The following ATP6V1A variants were observed in gnomAD, a reference collection of about 807,000 sequenced individuals.
The protein encoded by ATP6V1A is ATPase H+ transporting V1 subunit A.
ATP6V1A carries 18 observed loss-of-function variants against 70.1 expected under a neutral mutation model. The observed-to-expected ratio is 0.26, with a 90% CI of 0.18 to 0.38. The LOEUF (loss-of-function observed/expected upper bound fraction) is 0.38. Among genes scored for constraint, ATP6V1A ranks in the 10% least tolerant of loss-of-function variants. ATP6V1A has a pLI of 1.00. For synonymous variants in ATP6V1A, 232 were observed against 253.8 expected (o/e 0.91, Z 0.82); for missense variants, 424 against 772.4 (o/e 0.55, Z 5.35).
chr3:113,783,749 T>C (rs2108029239), intron 3 of ATP6V1A, among the ~76,000 whole-genome samples: 1 of 152,250 alleles, frequency 6.6e-6, no homozygotes, highest in East Asian at 1.9e-4. Context: ...TTTTTGTCAA[T>C]GATGTCATAT....
intron 1 of ATP6V1A, among the ~76,000 whole-genome samples, chr3:113,753,742 T>C (rs190738470): frequency 6.7e-6 from 1 of 150,122 alleles, no homozygotes; most frequent in East Asian, 2.0e-4. Context: ...GTTACCCAGA[T>C]TGGAGTGTAC....
chr3:113,778,783 C>A lies in ATP6V1A; in HGVS notation c.30C>A (p.Leu10=). 2 of 1,593,866 alleles carry A rather than the reference C, an allele frequency of 1.3e-6. No homozygotes were observed. The highest frequency in any genetic ancestry group is 1.7e-6 in the Non-Finnish European group (2 of 1,170,520). MDFSKLPKI[L]DEDKESTFGY... is the part of the protein sequence containing the mutation. ...ATTTTTCCAAGCTACCCAAAATACT[C>A]GATGAAGATAAAGAAAGCACATTTG... Residue 10 remains leucine, a synonymous_variant, in exon 2 of 15, where the codon CTC becomes CTA. Transcript: ENST00000273398.
chr3:113,782,983 G>A (rs892962914), intron 3 of ATP6V1A, among the ~76,000 whole-genome samples: 2 of 152,068 alleles, frequency 1.3e-5, no homozygotes, highest in East Asian at 1.9e-4. Flanking sequence ...ATAGTAAAAT[G>A]TTAAATATAG....
At chr3:113,753,228 TAATC>T (rs1430014922) in intron 1 of ATP6V1A, among the ~76,000 whole-genome samples, 1 of 152,214 alleles carries the variant, frequency 6.6e-6, no homozygotes, top group Non-Finnish European at 1.5e-5. Context: ...ACCTTACTAG[TAATC>T]AATATACTAA....
chr3:113,806,079 C>A (rs967918829), intron 14 of ATP6V1A, among the ~76,000 whole-genome samples: 1 of 152,046 alleles, frequency 6.6e-6, no homozygotes, highest in Non-Finnish European at 1.5e-5. Flanking sequence ...TCAAGACCAG[C>A]CTGGGCAACA....
intron 5 of ATP6V1A, 35 bp downstream of exon 5, chr3:113,784,868 C>T: frequency 6.2e-7 from 1 of 1,601,648 alleles, no homozygotes; most frequent in South Asian, 1.1e-5. Flanking sequence ...TGCAGAGTGC[C>T]TCTATTTCTA....
intron 1 of ATP6V1A, among the ~76,000 whole-genome samples, chr3:113,775,708 T>C (rs1316814404): frequency 6.6e-6 from 1 of 152,254 alleles, no homozygotes; most frequent in Non-Finnish European, 1.5e-5. Context: ...GATCTCATGC[T>C]GTTTCCACTT....
intron 1 of ATP6V1A, among the ~76,000 whole-genome samples, chr3:113,750,108 T>C (rs1284914417): frequency 1.3e-5 from 2 of 152,210 alleles, no homozygotes; most frequent in Admixed American, 6.5e-5. Context: ...ACTTTAGTTA[T>C]ATGTCCTTTT....
intron 3 of ATP6V1A, among the ~76,000 whole-genome samples, chr3:113,781,779 G>A (rs923544851): frequency 3.9e-5 from 6 of 152,120 alleles, no homozygotes; most frequent in Admixed American, 6.5e-5. Flanking sequence ...TCATTGGGAC[G>A]CATATTGTAG....
At chr3:113,765,762 C>CA (rs398052207) in intron 1 of ATP6V1A, among the ~76,000 whole-genome samples, 47,363 of 127,116 alleles carry the variant, frequency 0.37, 7,787 homozygotes, top group East Asian at 0.39. Context: ...ACTAAAAATA[C>CA]AAAAAAAAAA....
At chr3:113,778,670 A>G in intron 1 of ATP6V1A, 71 bp from the exon 2 acceptor site, 1 of 744,176 alleles carries the variant, frequency 1.3e-6, no homozygotes, top group Non-Finnish European at 2.1e-6. Flanking sequence ...ATCTTAGTGG[A>G]CTACCTATAT....
rs1222484984 is a variant in ATP6V1A at position 113,798,446 on chromosome 3, G to A, written c.1494G>A (p.Lys498=). ...CAGAAATTGTACAGCTTGTGGGAAA[G>A]GTGAGTTGTTAAATTCCATGGAAGA... ...DLAEIVQLVG[K]ASLAETDKIT... is the part of the protein sequence containing the mutation. The change falls in exon 12 of 15, where the codon AAG becomes AAA. Residue 498 remains lysine, a splice_region_variant and synonymous_variant. Transcript: ENST00000273398. 6.2e-7 allele frequency: 1 copy of A among 1,613,578 alleles called. No homozygotes were observed. The highest frequency in any genetic ancestry group is 8.5e-7 in the Non-Finnish European group (1 of 1,179,766).
At chr3:113,795,511 TA>T (rs764495044) in intron 10 of ATP6V1A, among the ~76,000 whole-genome samples, 4 of 151,814 alleles carry the variant, frequency 2.6e-5, no homozygotes, top group Non-Finnish European at 5.9e-5. Context: ...TGCATCACGG[TA>T]AAAAGAAAGT....
At chr3:113,771,696 C>CA (rs1708842873) in intron 1 of ATP6V1A, among the ~76,000 whole-genome samples, 1 of 152,098 alleles carries the variant, frequency 6.6e-6, no homozygotes, top group Non-Finnish European at 1.5e-5. Context: ...CTCGGCTTCC[C>CA]AAAGTGCTGG....
intron 1 of ATP6V1A, among the ~76,000 whole-genome samples, chr3:113,769,970 A>G (rs1335329326): frequency 1.3e-5 from 2 of 152,194 alleles, no homozygotes; most frequent in African/African-American, 2.4e-5. Flanking sequence ...TGATTTTTCT[A>G]TGAGTGCATC....
chr3:113,753,024 T>G (rs1708604700), intron 1 of ATP6V1A, among the ~76,000 whole-genome samples: 1 of 152,064 alleles, frequency 6.6e-6, no homozygotes. Flanking sequence ...GATTCTTTAG[T>G]GGCAAAAATA....
rs1709343344 is a variant in ATP6V1A at position 113,811,732 on chromosome 3, CAG to C, written c.*2308_*2309del. 6.6e-6 allele frequency: 1 copy of C among 152,594 alleles called. No homozygotes were observed. The highest frequency in any genetic ancestry group is 1.5e-5 in the Non-Finnish European group (1 of 68,030). The allele number at this position is 152,594 out of a possible 1,614,324, so 9.5% of individuals were successfully genotyped here. A position where few individuals can be genotyped will look rare whatever the true frequency, so the allele number is the denominator to read the frequency against. The stretch of plus-strand genomic sequence containing the variant: ...ATCGTAAGTCTCCCTTCACCTGTTA[CAG>C]AGTTTCAGATCGGTCACTGATAGTA... On this transcript the variant is annotated 3_prime_UTR_variant, in exon 15 of 15. Transcript: ENST00000273398.
chr3:113,789,661 AAAG>A (rs1709071422), intron 7 of ATP6V1A, 68 bp from the exon 8 acceptor site: 2 of 1,250,624 alleles, frequency 1.6e-6, no homozygotes, highest in Non-Finnish European at 1.1e-6. Flanking sequence ...TTAAAAAAAA[AAAG>A]AAAAATAGGG....
rs1245705021 is a variant in ATP6V1A at position 113,805,451 on chromosome 3, A to G, written c.1687A>G (p.Asn563Asp). The change falls in exon 14 of 15, where the codon AAT becomes GAT. Residue 563 changes from asparagine (N) to aspartate (D), a missense_variant. Asn to Asp is a conservative substitution (Grantham distance 23). Coordinates refer to ENST00000273398, the MANE Select transcript of ATP6V1A (RefSeq NM_001690.4). ...RAVETTAQSD[N>D]KITWSIIREH... ...TGTTGAAACCACTGCCCAGAGTGAC[A>G]ATAAAATCACATGGTCCATTATTCG... The G allele has an allele frequency of 1.2e-6, 2 of 1,613,866 alleles. No individual in the cohort carries two copies. The highest frequency in any genetic ancestry group is 1.3e-5 in the African/African-American group (1 of 74,936).
Sources: allele counts gnomAD v4.1 joint callset (sites outside exome capture counted in the v4.1 genomes callset), GRCh38; gene constraint gnomAD v4.1.1; transcripts MANE v1.5; gene names NCBI Gene and HGNC (gene_info 2026-07-23, HGNC 2026-07-21).